TSGA10: variants seen among roughly 807,000 people sequenced by gnomAD.
TSGA10 encodes testis specific 10, also known as testis-specific gene 10 protein.
Under a neutral mutation model 96.6 loss-of-function variants are expected in TSGA10, and 43 were observed. The ratio of observed to expected loss-of-function variants is 0.44; its 90% CI spans 0.35 to 0.57. The LOEUF is 0.57. Among genes scored for constraint, TSGA10 ranks in the 20% least tolerant of loss-of-function variants. The probability of loss-of-function intolerance (pLI) is 0.01; values close to 1 mark genes in which losing one functional copy is unlikely to be tolerated. For synonymous variants in TSGA10, 229 were observed against 269.9 expected (o/e 0.85, Z 1.48); for missense variants, 703 against 834.4 (o/e 0.84, Z 1.94).
chr2:99,131,022 G>C (rs1446215660), intron 1 of TSGA10, among the ~76,000 whole-genome samples: 2 of 152,234 alleles, frequency 1.3e-5, no homozygotes, highest in South Asian at 4.1e-4. Context: ...GTACCATGCT[G>C]TTTTGATTAC....
intron 1 of TSGA10, among the ~76,000 whole-genome samples, chr2:99,136,036 G>C (rs1340864540): frequency 6.7e-6 from 1 of 148,286 alleles, no homozygotes; most frequent in Admixed American, 6.8e-5. Flanking sequence ...CTGCATCATA[G>C]AGTTGCGTGA....
chr2:99,119,484 A>C (rs1408145464), intron 2 of TSGA10, among the ~76,000 whole-genome samples: 1 of 152,180 alleles, frequency 6.6e-6, no homozygotes, highest in African/African-American at 2.4e-5. Context: ...TATAAAAAAC[A>C]ATCTCATTAA....
At chr2:99,107,484 T>C (rs1288433244) in intron 7 of TSGA10, among the ~76,000 whole-genome samples, 3 of 152,164 alleles carry the variant, frequency 2.0e-5, no homozygotes, top group Non-Finnish European at 4.4e-5. Flanking sequence ...TTGTTGCTTA[T>C]GAAGCAAAAT....
intron 1 of TSGA10, chr2:99,151,459 G>A (rs143578429): frequency 0.087 from 5,861 of 67,580 alleles, 275 homozygotes; most frequent in East Asian, 0.35. Context: ...GCAAAACTCC[G>A]TCTCAAAAAA....
At chr2:99,118,334 C>T (rs950384270) in intron 3 of TSGA10, among the ~76,000 whole-genome samples, 3 of 151,326 alleles carry the variant, frequency 2.0e-5, no homozygotes, top group South Asian at 4.2e-4. Context: ...GCCCGTAGTC[C>T]CAGCTACTTG....
At chr2:99,140,494 T>G (rs2093492773) in intron 1 of TSGA10, among the ~76,000 whole-genome samples, 1 of 150,784 alleles carries the variant, frequency 6.6e-6, no homozygotes. Flanking sequence ...AAAAAAAAAG[T>G]GAAAAAAAAC....
At chr2:99,008,893 T>C (rs1289342417) in intron 20 of TSGA10, among the ~76,000 whole-genome samples, 3 of 152,098 alleles carry the variant, frequency 2.0e-5, no homozygotes, top group Admixed American at 6.6e-5. Flanking sequence ...TTCCAGGAGA[T>C]AGTGTTAAGT....
At chr2:99,033,428 T>C (rs1335035959) in intron 17 of TSGA10, among the ~76,000 whole-genome samples, 1 of 152,228 alleles carries the variant, frequency 6.6e-6, no homozygotes, top group Admixed American at 6.5e-5. Flanking sequence ...ATGTCACCAC[T>C]GGAAGCACAT....
chr2:99,031,155 G>T (rs2081092245), intron 17 of TSGA10, among the ~76,000 whole-genome samples: 1 of 151,604 alleles, frequency 6.6e-6, no homozygotes, highest in African/African-American at 2.4e-5. Context: ...AAATGTAAAA[G>T]AATAGAAAAC....
At chr2:99,082,595 TAATCAGG>T (rs1369615908) in intron 10 of TSGA10, among the ~76,000 whole-genome samples, 1 of 152,006 alleles carries the variant, frequency 6.6e-6, no homozygotes, top group Non-Finnish European at 1.5e-5. Context: ...ATTGGTCATA[TAATCAGG>T]AACCCCTTGC....
intron 17 of TSGA10, among the ~76,000 whole-genome samples, chr2:99,024,447 T>C (rs2080363372): frequency 1.3e-5 from 2 of 152,184 alleles, no homozygotes; most frequent in African/African-American, 4.8e-5. Context: ...ATAATTTTTT[T>C]TTCAGATTGT....
At chr2:99,001,333 G>T (rs969649532) in intron 20 of TSGA10, among the ~76,000 whole-genome samples, 51 of 152,162 alleles carry the variant, frequency 3.4e-4, no homozygotes, top group African/African-American at 1.1e-3. Flanking sequence ...TGATACCGAG[G>T]CAAACAGGAT....
intron 16 of TSGA10, among the ~76,000 whole-genome samples, chr2:99,040,129 TA>T (rs1201495452): frequency 6.6e-6 from 1 of 152,092 alleles, no homozygotes; most frequent in Non-Finnish European, 1.5e-5. Flanking sequence ...CCTAAGGTAA[TA>T]AAAGCCATCT....
At chr2:99,004,013 G>A (rs1314613387) in intron 20 of TSGA10, among the ~76,000 whole-genome samples, 5 of 152,104 alleles carry the variant, frequency 3.3e-5, no homozygotes, top group Admixed American at 1.3e-4. Context: ...CCAGGAGCTG[G>A]TTTTTTGAAA....
chr2:99,116,295 G>A lies in TSGA10; in HGVS notation c.-140+1249C>T, dbSNP rs753193381. On this transcript the variant is annotated intron_variant, in intron 4 of 20. Transcript: ENST00000393483. ...AGCCATTAGGCAGCAATGGAGAAGTGAGACTGTCATTTTATAATTACATTT... is the reference window on the plus strand; with the variant it reads ...AGCCATTAGGCAGCAATGGAGAAGTAAGACTGTCATTTTATAATTACATTT... Among the ~76,000 whole-genome samples, 4 of 152,174 alleles carry A rather than the reference G, an allele frequency of 2.6e-5. No individual in the cohort carries two copies. In the South Asian group the frequency reaches 8.3e-4, roughly 32 times the overall value.
intron 1 of TSGA10, among the ~76,000 whole-genome samples, chr2:99,133,093 T>C (rs1011413571): frequency 6.6e-6 from 1 of 152,174 alleles, no homozygotes; most frequent in African/African-American, 2.4e-5. Context: ...GTTCTGTAGA[T>C]GTCTGTTAGG....
At chr2:99,142,509 T>C (rs1005782550) in intron 1 of TSGA10, 1 of 152,236 alleles carries the variant, frequency 6.6e-6, no homozygotes, top group African/African-American at 2.4e-5. Flanking sequence ...GCCATGTTTT[T>C]CCAATGTCTT....
intron 17 of TSGA10, among the ~76,000 whole-genome samples, chr2:99,027,097 A>T (rs2080667555): frequency 6.6e-6 from 1 of 152,228 alleles, no homozygotes; most frequent in Non-Finnish European, 1.5e-5. Flanking sequence ...TCAGGCAGTA[A>T]TGCTCACTCA....
Position 99,012,408 on chromosome 2 carries a change from CACTG to C in TSGA10, c.2072+5788_2072+5791del, listed in dbSNP as rs548279815. On this transcript the variant is annotated intron_variant, in intron 20 of 20. Coordinates refer to ENST00000393483, the MANE Select transcript of TSGA10 (RefSeq NM_025244.4). Reference sequence around the variant, plus strand: ...CGGAATGGCAGAATGGATAAAAATTCACTGACTAAGTATCTGCTATCTTCAAGAG... The same window carrying C: ...CGGAATGGCAGAATGGATAAAAATTCACTAAGTATCTGCTATCTTCAAGAG... 4.6e-5 allele frequency among the ~76,000 whole-genome samples: 7 copies of C among 152,232 alleles called. No homozygotes were observed. The South Asian group carries it at 1.5e-3, about 32-fold the overall frequency.
Sources: allele counts gnomAD v4.1 joint callset (sites outside exome capture counted in the v4.1 genomes callset), GRCh38; gene constraint gnomAD v4.1.1; transcripts MANE v1.5; gene names NCBI Gene and HGNC (gene_info 2026-07-23, HGNC 2026-07-21).